Variants in RSF1 observed in about 807,000 individuals in gnomAD.
RSF1 encodes remodeling and spacing factor 1, also known as HBV pX-associated protein 8.
Under a neutral mutation model 145.2 loss-of-function variants are expected in RSF1, and 13 were observed. That is an observed-to-expected ratio of 0.09 (90% CI 0.06 to 0.14). The LOEUF (loss-of-function observed/expected upper bound fraction) is 0.14. RSF1 is among the 10% of genes least tolerant of loss of function. The probability of loss-of-function intolerance (pLI) is 1.00; values close to 1 mark genes in which losing one functional copy is unlikely to be tolerated. For missense variants in RSF1, 1,517 were observed against 1,718.2 expected, an observed-to-expected ratio of 0.88 and a Z score of 2.07; for synonymous variants, 577 against 592.6, an observed-to-expected ratio of 0.97 and a Z score of 0.38.
chr11:77,809,234 A>G (rs1268360792), intron 1 of RSF1, among the ~76,000 whole-genome samples: 2 of 152,246 alleles, frequency 1.3e-5, no homozygotes, highest in Non-Finnish European at 2.9e-5. Context: ...TAAGGATTAA[A>G]TAAGATAATC....
chr11:77,749,968 C>T (rs1194679540), intron 2 of RSF1, among the ~76,000 whole-genome samples: 1 of 152,008 alleles, frequency 6.6e-6, no homozygotes, highest in East Asian at 1.9e-4. Context: ...AGGCTGGTCT[C>T]GAATTCCTGA....
chr11:77,678,033 G>C (rs1959756430), intron 12 of RSF1, 53 bp downstream of exon 12: 2 of 1,374,896 alleles, frequency 1.5e-6, no homozygotes, highest in East Asian at 4.6e-5. Context: ...TTGGGCACCT[G>C]AATGAACTTC....
intron 3 of RSF1, among the ~76,000 whole-genome samples, chr11:77,744,263 T>C (rs1004367828): frequency 2.0e-5 from 3 of 152,098 alleles, no homozygotes; most frequent in Non-Finnish European, 4.4e-5. Context: ...TCCTGACCTC[T>C]ACTGATCCAT....
At chr11:77,848,280 T>C in the RSF1 span, among the ~76,000 whole-genome samples, 6 of 152,228 alleles carry the variant, frequency 3.9e-5, no homozygotes, top group Non-Finnish European at 1.5e-5. Context: ...GAGAGATCCA[T>C]TTCCCTTCAG....
In RSF1 at chr11:77,665,216, A is replaced by G. The variant is rs1959331562; in HGVS notation, c.*1701T>C. The G allele has an allele frequency of 6.6e-6, 1 of 152,240 alleles. No individual in the cohort carries two copies. Among genetic ancestry groups the G allele is most frequent in the Non-Finnish European group, 1.5e-5 (1 of 68,044 alleles). The allele number at this position is 152,240 out of a possible 1,614,324, so 9.4% of individuals were successfully genotyped here. ...TCTAATGCCAGCTTTTTAGTAATAAAAAAGAGAAGTGCTTTACTATACACT... is the reference window on the plus strand; with the variant it reads ...TCTAATGCCAGCTTTTTAGTAATAAGAAAGAGAAGTGCTTTACTATACACT... On this transcript the variant is annotated 3_prime_UTR_variant, in exon 16 of 16. Transcript: ENST00000308488.
intron 5 of RSF1, among the ~76,000 whole-genome samples, chr11:77,711,416 T>A (rs1223648140): frequency 6.6e-6 from 1 of 152,158 alleles, no homozygotes; most frequent in African/African-American, 2.4e-5. Flanking sequence ...ACGCCTGTAA[T>A]CCCAGCACTG....
In RSF1 at chr11:77,683,801, C is replaced by G; in HGVS notation, c.2974G>C (p.Asp992His). 6.2e-7 allele frequency: 1 copy of G among 1,611,596 alleles called. No homozygotes were observed. The change falls in exon 11 of 16, where the codon GAT becomes CAT. Residue 992 changes from aspartate to histidine, a missense_variant. By Grantham distance (81) the Asp-to-His change is moderately conservative (BLOSUM62 -1). This residue lies in a region of RSF1 where 231 missense variants were observed against 276.6 expected (regional missense o/e 0.84). Coordinates refer to ENST00000308488, the MANE Select transcript of RSF1 (RefSeq NM_016578.4). ...GAATCTTTTTTCTTTTCTTCTTGAT[C>G]TTCAGAAAAGTCTGGCTCCTTAAAA... ...IPPQEPDFSE[D>H]QEEKKKDSKK...
the RSF1 span, chr11:77,870,175 T>C: frequency 6.6e-6 from 1 of 151,578 alleles, no homozygotes; most frequent in East Asian, 1.9e-4. Context: ...CAGAAAAAAA[T>C]TTAATTTAAT....
chr11:77,716,142 AAAAG>A, intron 5 of RSF1, among the ~76,000 whole-genome samples: 1 of 152,324 alleles, frequency 6.6e-6, no homozygotes, highest in East Asian at 1.9e-4. Context: ...AGGAAAAAAA[AAAAG>A]AAAGAGAATC....
intron 1 of RSF1, among the ~76,000 whole-genome samples, chr11:77,772,707 GTATT>G (rs1948299270): frequency 6.6e-6 from 1 of 152,008 alleles, no homozygotes; most frequent in Non-Finnish European, 1.5e-5. Flanking sequence ...AGGTATTGAG[GTATT>G]TATTTATTTG....
chr11:77,783,652 G>C (rs770412668), intron 1 of RSF1, among the ~76,000 whole-genome samples: 53 of 151,938 alleles, frequency 3.5e-4, no homozygotes, highest in Non-Finnish European at 7.4e-4. Context: ...GACCAGCCTG[G>C]GCAACACAGC....
At chr11:77,772,041 CTA>C (rs557549172) in intron 1 of RSF1, among the ~76,000 whole-genome samples, 1 of 152,182 alleles carries the variant, frequency 6.6e-6, no homozygotes, top group Non-Finnish European at 1.5e-5. Context: ...ATGATGATCC[CTA>C]TGAGTTTATT....
intron 4 of RSF1, among the ~76,000 whole-genome samples, chr11:77,726,460 C>G (rs138050214): frequency 1.3e-5 from 2 of 152,270 alleles, no homozygotes; most frequent in East Asian, 1.9e-4. Flanking sequence ...ATCCCTGTAT[C>G]TGGCAAATAA....
intron 2 of RSF1, among the ~76,000 whole-genome samples, chr11:77,753,500 C>T (rs924373602): frequency 6.6e-6 from 1 of 152,218 alleles, no homozygotes; most frequent in Non-Finnish European, 1.5e-5. Context: ...GGTGTGCAAA[C>T]TTGTCCAACG....
chr11:77,783,585 T>C (rs1401345146), intron 1 of RSF1, among the ~76,000 whole-genome samples: 1 of 152,170 alleles, frequency 6.6e-6, no homozygotes, highest in East Asian at 1.9e-4. Flanking sequence ...CTCACACCTG[T>C]AATCCCAGCG....
intron 1 of RSF1, among the ~76,000 whole-genome samples, chr11:77,820,211 T>C (rs1467807415): frequency 6.6e-6 from 1 of 152,048 alleles, no homozygotes; most frequent in Non-Finnish European, 1.5e-5. Flanking sequence ...GGGGCCGCCC[T>C]CCGCCGCGGA....
chr11:77,708,387 G>A (rs529087027), intron 5 of RSF1, among the ~76,000 whole-genome samples: 6 of 152,236 alleles, frequency 3.9e-5, no homozygotes, highest in East Asian at 3.9e-4. Context: ...CCATGACCAC[G>A]CCAGTGCACT....
chr11:77,766,610 G>A (rs1169091984), intron 1 of RSF1, among the ~76,000 whole-genome samples: 1 of 151,910 alleles, frequency 6.6e-6, no homozygotes, highest in Admixed American at 6.6e-5. Context: ...AGGAGGGAAA[G>A]GGCATTGCTT....
chr11:77,869,020 T>C, the RSF1 span: 2 of 341,974 alleles, frequency 5.8e-6, no homozygotes, highest in Admixed American at 3.4e-5. Flanking sequence ...AGTTTTGCCA[T>C]GGTAACATTT....
Sources: allele counts gnomAD v4.1 joint callset (sites outside exome capture counted in the v4.1 genomes callset), GRCh38; gene constraint gnomAD v4.1.1; regional missense constraint gnomAD v4.1.1; transcripts MANE v1.5; gene names NCBI Gene and HGNC (gene_info 2026-07-23, HGNC 2026-07-21).